RAD54B: variants seen among roughly 807,000 people sequenced by gnomAD.
RAD54B encodes the protein RAD54 homolog B, also known as DNA repair and recombination protein RAD54B.
In RAD54B, 78 loss-of-function variants were observed where a neutral mutation model predicts 95.8. The observed-to-expected ratio is 0.81, with a 90% CI of 0.68 to 0.98. The LOEUF is 0.98. Ranked by LOEUF, RAD54B falls within the 50% of genes least tolerant of loss-of-function variation. RAD54B has a pLI of 0.00. For missense variants in RAD54B, 957 were observed against 1,056.6 expected (o/e 0.91, Z 1.31); for synonymous variants, 328 against 354.9 (o/e 0.92, Z 0.85).
chr8:94,440,595 T>C (rs550723919), intron 3 of RAD54B, among the ~76,000 whole-genome samples: 1 of 152,342 alleles, frequency 6.6e-6, no homozygotes, highest in African/African-American at 2.4e-5. Context: ...GAAGAATCAC[T>C]GTGCTGTCTG....
chr8:94,452,911 GAATA>G (rs1389572872), intron 3 of RAD54B, among the ~76,000 whole-genome samples: 1 of 152,114 alleles, frequency 6.6e-6, no homozygotes, highest in Non-Finnish European at 1.5e-5. Context: ...TCAAAAATAT[GAATA>G]TATACTTACA....
intron 3 of RAD54B, among the ~76,000 whole-genome samples, chr8:94,424,393 C>T (rs1373585968): frequency 6.6e-6 from 1 of 152,218 alleles, no homozygotes; most frequent in Non-Finnish European, 1.5e-5. Context: ...CAGTATTTGC[C>T]ACATAGTAAG....
At chr8:94,459,008 G>A (rs925809589) in intron 2 of RAD54B, among the ~76,000 whole-genome samples, 1 of 152,066 alleles carries the variant, frequency 6.6e-6, no homozygotes, top group African/African-American at 2.4e-5. Flanking sequence ...AAACATATCA[G>A]AAGTTTTTAA....
intron 3 of RAD54B, among the ~76,000 whole-genome samples, chr8:94,422,635 T>A (rs1216386485): frequency 2.0e-4 from 21 of 105,146 alleles, no homozygotes; most frequent in African/African-American, 4.3e-4. Context: ...TATATATATA[T>A]ATATATATAT....
At chr8:94,474,347 C>T (rs938215808) in intron 1 of RAD54B, among the ~76,000 whole-genome samples, 1 of 152,088 alleles carries the variant, frequency 6.6e-6, no homozygotes, top group African/African-American at 2.4e-5. Context: ...CACATGTACC[C>T]CCAAATCTAA....
chr8:94,385,016 T>C (rs954400318), intron 11 of RAD54B, among the ~76,000 whole-genome samples: 1 of 152,060 alleles, frequency 6.6e-6, no homozygotes, highest in Non-Finnish European at 1.5e-5. Context: ...AGTGGGAGGA[T>C]CACTTGGGCC....
At chr8:94,419,479 G>T (rs952281944) in intron 3 of RAD54B, among the ~76,000 whole-genome samples, 1 of 152,044 alleles carries the variant, frequency 6.6e-6, no homozygotes. Flanking sequence ...CTGCACTCTA[G>T]CCTGGGCAAC....
At chr8:94,440,938 C>T (rs956076718) in intron 3 of RAD54B, among the ~76,000 whole-genome samples, 5 of 152,208 alleles carry the variant, frequency 3.3e-5, no homozygotes, top group East Asian at 1.9e-4. Context: ...GGCAGCCCGG[C>T]GCCAGGTCCA....
rs2130028885 is a variant in RAD54B, at chr8:94,407,467, G to A, written c.753C>T (p.Cys251=). 1.2e-6 allele frequency: 2 copies of A among 1,613,456 alleles called. No homozygotes were observed. Among genetic ancestry groups the A allele is most frequent in the Non-Finnish European group, 1.7e-6 (2 of 1,179,540 alleles). ...GCGTATATGGGTCATGGCGTGGTTT[G>A]CAATTTTGGAAATCATTCTGTCTAT... ...KENRQNDFQN[C]KPRHDPYTPN... Residue 251 remains cysteine (C), a synonymous_variant, in exon 5 of 15, where the codon TGC becomes TGT. Coordinates refer to ENST00000336148, the MANE Select transcript of RAD54B (RefSeq NM_012415.3).
intron 3 of RAD54B, among the ~76,000 whole-genome samples, chr8:94,452,429 A>C (rs1812678144): frequency 6.6e-6 from 1 of 152,218 alleles, no homozygotes; most frequent in South Asian, 2.1e-4. Context: ...CTAGTACTGA[A>C]ACATTACACA....
At chr8:94,373,734 T>G (rs1031919067) in intron 14 of RAD54B, among the ~76,000 whole-genome samples, 3 of 152,224 alleles carry the variant, frequency 2.0e-5, no homozygotes, top group Non-Finnish European at 4.4e-5. Context: ...AATTTAGAGA[T>G]TTTAGTATCT....
chr8:94,392,423 G>A (rs1488236844), intron 9 of RAD54B, among the ~76,000 whole-genome samples: 1 of 151,742 alleles, frequency 6.6e-6, no homozygotes, highest in Non-Finnish European at 1.5e-5. Context: ...CACTATATCT[G>A]GCGAATTTTT....
rs1157849807 is a variant in RAD54B, at chr8:94,453,532, A to AAAATAAAT, written c.304+4728_304+4735dup. Among the ~76,000 whole-genome samples the AAAATAAAT allele has an allele frequency of 1.3e-5, 2 of 152,168 alleles. 1 individual carries two copies. Among genetic ancestry groups the AAAATAAAT allele is most frequent in the South Asian group, 4.1e-4 (2 of 4,828 alleles). ...TGACAGAGCAAGACTCCGTCTCAAAAAAATAAATAAATAAATAAGGTAGTT... is the reference window on the plus strand; with the variant it reads ...TGACAGAGCAAGACTCCGTCTCAAAAAAATAAATAAATAAATAAATAAATAAGGTAGTT... On this transcript the variant is annotated intron_variant, in intron 3 of 14. Coordinates refer to ENST00000336148, the MANE Select transcript of RAD54B (RefSeq NM_012415.3).
intron 9 of RAD54B, among the ~76,000 whole-genome samples, chr8:94,393,145 CT>C (rs915438297): frequency 2.6e-5 from 4 of 151,860 alleles, no homozygotes; most frequent in African/African-American, 7.3e-5. Flanking sequence ...AATAAATGTA[CT>C]TTTTTTTATA....
At chr8:94,403,003 T>C (rs1811298416) in intron 6 of RAD54B, among the ~76,000 whole-genome samples, 1 of 152,158 alleles carries the variant, frequency 6.6e-6, no homozygotes, top group South Asian at 2.1e-4. Flanking sequence ...CCAACTGAGA[T>C]AAGACCTTCG....
intron 8 of RAD54B, among the ~76,000 whole-genome samples, chr8:94,395,966 T>A (rs756453583): frequency 1.3e-5 from 2 of 152,042 alleles, no homozygotes; most frequent in Non-Finnish European, 2.9e-5. Context: ...TACCAGCATC[T>A]GAAATCATCC....
intron 4 of RAD54B, among the ~76,000 whole-genome samples, chr8:94,408,756 T>A (rs1563645710): frequency 6.6e-6 from 1 of 152,188 alleles, no homozygotes; most frequent in Non-Finnish European, 1.5e-5. Context: ...TCTTCACTTA[T>A]CCAAATTAAT....
At chr8:94,455,677 A>T (rs1812762896) in intron 3 of RAD54B, among the ~76,000 whole-genome samples, 1 of 152,186 alleles carries the variant, frequency 6.6e-6, no homozygotes, top group Non-Finnish European at 1.5e-5. Context: ...CAGAAGTCCA[A>T]AATCAAGGTG....
chr8:94,422,617 A>AAAATT (rs1554606249), intron 3 of RAD54B, among the ~76,000 whole-genome samples: 1 of 43,572 alleles, frequency 2.3e-5, no homozygotes. Context: ...AAAAAAAAAA[A>AAAATT]ATATATATAT....
Sources: gnomAD v4.1 joint callset for allele counts (sites outside exome capture counted in the v4.1 genomes callset) on GRCh38, gnomAD v4.1.1 for gene constraint, MANE v1.5 for transcripts, NCBI Gene and HGNC (gene_info 2026-07-23, HGNC 2026-07-21) for gene names.